SPAG16: variants seen among roughly 807,000 people sequenced by gnomAD.
SPAG16 encodes sperm associated antigen 16.
A neutral mutation model predicts 80.4 loss-of-function variants in SPAG16; 86 were observed. The observed-to-expected ratio is 1.07, with a 90% CI of 0.90 to 1.28. SPAG16 has a LOEUF of 1.28. Ranked by LOEUF, SPAG16 falls within the 50% of genes most tolerant of loss-of-function variation. The probability of loss-of-function intolerance (pLI) is 0.00; values close to 1 mark genes in which losing one functional copy is unlikely to be tolerated. For synonymous variants in SPAG16, 294 were observed against 265.9 expected (o/e 1.11, Z -1.03); for missense variants, 870 against 765.3 (o/e 1.14, Z -1.61).
At chr2:213,545,702 GT>G (rs1012653971) in intron 10 of SPAG16, among the ~76,000 whole-genome samples, 2 of 151,990 alleles carry the variant, frequency 1.3e-5, no homozygotes, top group Non-Finnish European at 2.9e-5. Flanking sequence ...TTTGGTTCCT[GT>G]TTTTTTATGT....
intron 10 of SPAG16, among the ~76,000 whole-genome samples, chr2:213,504,592 T>C (rs890468241): frequency 2.6e-5 from 4 of 151,944 alleles, no homozygotes; most frequent in Non-Finnish European, 2.9e-5. Flanking sequence ...AGACTAAAGA[T>C]AAAAGAAGTA....
chr2:213,298,368 A>G (rs1007895867), intron 3 of SPAG16, among the ~76,000 whole-genome samples: 1 of 152,210 alleles, frequency 6.6e-6, no homozygotes, highest in Non-Finnish European at 1.5e-5. Context: ...GAATAGTTTT[A>G]AAATGTATGA....
intron 12 of SPAG16, among the ~76,000 whole-genome samples, chr2:213,948,027 T>C (rs2079549315): frequency 2.6e-5 from 4 of 152,162 alleles, no homozygotes; most frequent in Admixed American, 2.0e-4. Context: ...AGTTAATTTC[T>C]GCACTTTTTT....
At chr2:213,368,767 A>G (rs1405288973) in intron 8 of SPAG16, among the ~76,000 whole-genome samples, 1 of 152,206 alleles carries the variant, frequency 6.6e-6, no homozygotes, top group East Asian at 1.9e-4. Flanking sequence ...CTTATACACC[A>G]ATAACACAAA....
At chr2:213,368,917 C>G (rs2066478722) in intron 8 of SPAG16, among the ~76,000 whole-genome samples, 4 of 152,032 alleles carry the variant, frequency 2.6e-5, no homozygotes, top group Admixed American at 2.0e-4. Context: ...TAAAAGAGGA[C>G]ACAAACAAAT....
At chr2:214,358,493 T>A (rs975785482) in intron 15 of SPAG16, among the ~76,000 whole-genome samples, 1 of 151,950 alleles carries the variant, frequency 6.6e-6, no homozygotes, top group Admixed American at 6.6e-5. Flanking sequence ...ATTATTGTTA[T>A]ATGTTTTTTA....
intron 12 of SPAG16, among the ~76,000 whole-genome samples, chr2:213,976,697 G>A (rs1320683931): frequency 6.6e-6 from 1 of 152,012 alleles, no homozygotes; most frequent in African/African-American, 2.4e-5. Flanking sequence ...TGAAAGGCTT[G>A]AAGAGAGGAC....
intron 10 of SPAG16, among the ~76,000 whole-genome samples, chr2:213,679,974 T>A (rs1231477780): frequency 6.6e-6 from 1 of 152,094 alleles, no homozygotes; most frequent in East Asian, 1.9e-4. Context: ...ATATTCACAC[T>A]AGATTGTACA....
chr2:214,387,820 A>G (rs1452575136), intron 15 of SPAG16, among the ~76,000 whole-genome samples: 1 of 152,146 alleles, frequency 6.6e-6, no homozygotes. Context: ...CACTGTCAGG[A>G]GAACAGGATG....
At chr2:214,345,053 C>G (rs776294423) in intron 15 of SPAG16, among the ~76,000 whole-genome samples, 8 of 152,092 alleles carry the variant, frequency 5.3e-5, no homozygotes, top group Non-Finnish European at 5.9e-5. Context: ...AACAATCGTT[C>G]TTACCTTTAG....
intron 11 of SPAG16, among the ~76,000 whole-genome samples, chr2:213,917,373 C>T (rs190266312): frequency 5.2e-4 from 79 of 152,274 alleles, no homozygotes; most frequent in African/African-American, 1.6e-3. Flanking sequence ...GCAGTATGGC[C>T]ATTTTAATAA....
chr2:213,390,762 C>G (rs2067700612), intron 9 of SPAG16, among the ~76,000 whole-genome samples: 1 of 151,990 alleles, frequency 6.6e-6, no homozygotes, highest in Admixed American at 6.6e-5. Flanking sequence ...CTTCTAATTG[C>G]CATTAATAAC....
intron 10 of SPAG16, among the ~76,000 whole-genome samples, chr2:213,658,947 A>C (rs895849359): frequency 2.6e-5 from 4 of 152,094 alleles, no homozygotes; most frequent in African/African-American, 9.7e-5. Flanking sequence ...GAGGCAGGAG[A>C]ATTGCTTGCA....
chr2:213,830,156 C>A (rs1319196075), intron 10 of SPAG16, among the ~76,000 whole-genome samples: 1 of 152,184 alleles, frequency 6.6e-6, no homozygotes, highest in Non-Finnish European at 1.5e-5. Context: ...CCCTCTGTAG[C>A]AAGGCTTGCC....
intron 15 of SPAG16, among the ~76,000 whole-genome samples, chr2:214,386,480 T>G (rs1700759130): frequency 6.6e-6 from 1 of 152,130 alleles, no homozygotes; most frequent in African/African-American, 2.4e-5. Flanking sequence ...GTCAGCTAAA[T>G]ATGGAAATAT....
chr2:213,823,805 G>A (rs1301305003), intron 10 of SPAG16, among the ~76,000 whole-genome samples: 3 of 152,096 alleles, frequency 2.0e-5, no homozygotes, highest in Non-Finnish European at 2.9e-5. Context: ...TGTAAATTAC[G>A]GATGTTAGGC....
At chr2:214,197,907 T>G (rs1441938579) in intron 15 of SPAG16, among the ~76,000 whole-genome samples, 1 of 151,860 alleles carries the variant, frequency 6.6e-6, no homozygotes, top group East Asian at 1.9e-4. Flanking sequence ...TTCTCACTCT[T>G]TTTATCAGTA....
In SPAG16 at chr2:214,347,605, T is replaced by C. The variant is rs574266375; in HGVS notation, c.1721-62535T>C. On this transcript the variant is annotated intron_variant, in intron 15 of 15. Coordinates refer to ENST00000331683, the MANE Select transcript of SPAG16 (RefSeq NM_024532.5). ...TAATGTTAAGGGCATTATTTAAAAC[T>C]CTCTGCTAGACCATAGTGCTTCTAA... Among the ~76,000 whole-genome samples the C allele has an allele frequency of 1.2e-3, 179 of 152,304 alleles. 1 individual carries two copies. The highest frequency in any genetic ancestry group is 4.2e-3 in the African/African-American group (173 of 41,560).
intron 12 of SPAG16, among the ~76,000 whole-genome samples, chr2:213,992,738 T>C (rs1045272537): frequency 2.0e-5 from 3 of 152,192 alleles, no homozygotes; most frequent in Non-Finnish European, 4.4e-5. Context: ...ATGATTGGTT[T>C]GTAATAACTG....
Sources: allele counts gnomAD v4.1 joint callset (sites outside exome capture counted in the v4.1 genomes callset), GRCh38; gene constraint gnomAD v4.1.1; transcripts MANE v1.5; gene names NCBI Gene and HGNC (gene_info 2026-07-23, HGNC 2026-07-21).